MACROD2: variants seen among roughly 807,000 people sequenced by gnomAD.
MACROD2 encodes mono-ADP ribosylhydrolase 2, also known as ADP-ribose glycohydrolase MACROD2.
Under a neutral mutation model 70.4 loss-of-function variants are expected in MACROD2, and 36 were observed. The ratio of observed to expected loss-of-function variants is 0.51; its 90% CI spans 0.39 to 0.68. The LOEUF (loss-of-function observed/expected upper bound fraction) is 0.68, where lower values mean the gene tolerates loss of function less well. Among genes scored for constraint, MACROD2 ranks in the 30% least tolerant of loss-of-function variants. The pLI, the probability that MACROD2 is intolerant of heterozygous loss-of-function variation, is 0.00. For missense variants in MACROD2, 496 were observed against 538.4 expected (o/e 0.92, Z 0.78); for synonymous variants, 172 against 178.8 (o/e 0.96, Z 0.30).
At chr20:15,460,780 A>T (rs990083386) in intron 7 of MACROD2, among the ~76,000 whole-genome samples, 8 of 151,862 alleles carry the variant, frequency 5.3e-5, no homozygotes, top group Admixed American at 5.3e-4. Context: ...TACCAATTCT[A>T]TCAAATTCCC....
At chr20:14,316,092 A>G (rs967760102) in intron 3 of MACROD2, among the ~76,000 whole-genome samples, 30 of 152,240 alleles carry the variant, frequency 2.0e-4, no homozygotes, top group African/African-American at 7.0e-4. Context: ...TGAAACTTCC[A>G]TTCTCTTGTA....
At chr20:15,138,653 C>T (rs1601126444) in intron 5 of MACROD2, among the ~76,000 whole-genome samples, 1 of 152,144 alleles carries the variant, frequency 6.6e-6, no homozygotes, top group African/African-American at 2.4e-5. Context: ...ACTGGGGGTG[C>T]TCTGCCAGCT....
At chr20:14,847,485 GTTTTTT>G (rs34778387) in intron 5 of MACROD2, among the ~76,000 whole-genome samples, 1 of 121,444 alleles carries the variant, frequency 8.2e-6, no homozygotes, top group Non-Finnish European at 1.7e-5. Flanking sequence ...AGTGTTGCCT[GTTTTTT>G]TTTTTTTTTT....
At chr20:14,172,392 C>T (rs970246427) in intron 3 of MACROD2, among the ~76,000 whole-genome samples, 3 of 150,010 alleles carry the variant, frequency 2.0e-5, no homozygotes, top group Non-Finnish European at 4.4e-5. Flanking sequence ...GCAACTTCCA[C>T]CTCCTGGGTT....
intron 5 of MACROD2, among the ~76,000 whole-genome samples, chr20:14,947,009 GT>G (rs1432711168): frequency 1.3e-5 from 2 of 152,132 alleles, no homozygotes; most frequent in African/African-American, 4.8e-5. Flanking sequence ...CTCCAAACCT[GT>G]TTAAGTTTGA....
At chr20:14,842,226 T>C (rs947211779) in intron 5 of MACROD2, among the ~76,000 whole-genome samples, 4 of 152,002 alleles carry the variant, frequency 2.6e-5, no homozygotes, top group African/African-American at 9.7e-5. Context: ...ATAAACCCAC[T>C]CTCATGATAA....
intron 15 of MACROD2, among the ~76,000 whole-genome samples, chr20:16,013,633 G>T (rs926822109): frequency 6.6e-6 from 1 of 152,104 alleles, no homozygotes; most frequent in Non-Finnish European, 1.5e-5. Context: ...ACTCTCCATG[G>T]CCACGTTCTT....
intron 6 of MACROD2, among the ~76,000 whole-genome samples, chr20:15,234,012 C>CTTTTTTTTTTTTTTTTT (rs1177498607): frequency 2.4e-4 from 7 of 29,182 alleles, no homozygotes; most frequent in Non-Finnish European, 4.0e-4. Context: ...TATATATATT[C>CTTTTTTTTTTTTTTTTT]TTTTTTTTTT....
Position 15,591,191 on chromosome 20 carries a change from G to C in MACROD2, c.645+91344G>C, listed in dbSNP as rs6135454. The stretch of plus-strand genomic sequence containing the variant: ...ATTCTATCCCTGGGCCTCAGACAGA[G>C]AGAATGTGATCACTAGCTTGGGAAA... On this transcript the variant is annotated intron_variant, in intron 8 of 17. Transcript: ENST00000684519. 8.7e-3 allele frequency among the ~76,000 whole-genome samples: 1,328 copies of C among 152,282 alleles called. 9 individuals carry two copies. Among genetic ancestry groups the C allele is most frequent in the East Asian group, 0.06 (309 of 5,174 alleles).
chr20:15,351,575 G>C (rs2078227202), intron 6 of MACROD2, among the ~76,000 whole-genome samples: 1 of 152,150 alleles, frequency 6.6e-6, no homozygotes, highest in Non-Finnish European at 1.5e-5. Context: ...AATGGGTTGA[G>C]TTTGATCAGT....
At chr20:14,219,227 A>G (rs1172437727) in intron 3 of MACROD2, among the ~76,000 whole-genome samples, 2 of 152,018 alleles carry the variant, frequency 1.3e-5, no homozygotes, top group African/African-American at 4.8e-5. Context: ...CTTTGTTCAT[A>G]TTTTATTATT....
intron 5 of MACROD2, among the ~76,000 whole-genome samples, chr20:14,896,304 A>G (rs2073828630): frequency 6.6e-6 from 1 of 152,178 alleles, no homozygotes; most frequent in Non-Finnish European, 1.5e-5. Context: ...CAAAAAAATA[A>G]ATAAATAAAA....
At chr20:15,459,592 C>G (rs1038854295) in intron 7 of MACROD2, among the ~76,000 whole-genome samples, 1 of 151,956 alleles carries the variant, frequency 6.6e-6, no homozygotes, top group South Asian at 2.1e-4. Context: ...ATTACGGCTG[C>G]CTGCTAAGTT....
chr20:15,924,501 CT>C (rs979721259), intron 10 of MACROD2, among the ~76,000 whole-genome samples: 2 of 152,152 alleles, frequency 1.3e-5, no homozygotes, highest in East Asian at 1.9e-4. Context: ...GAGGAAACAA[CT>C]TTTTTTTATT....
chr20:14,201,250 G>C (rs964414965), intron 3 of MACROD2, among the ~76,000 whole-genome samples: 1 of 152,134 alleles, frequency 6.6e-6, no homozygotes, highest in African/African-American at 2.4e-5. Flanking sequence ...TCAATGAATT[G>C]ATTAAAACTT....
intron 5 of MACROD2, chr20:14,894,492 G>A (rs1050251552): frequency 2.0e-5 from 3 of 151,866 alleles, no homozygotes. Context: ...CAAAGTGCTG[G>A]GATTACAGGC....
chr20:15,769,041 CAATT>C (rs2051576934), intron 8 of MACROD2, among the ~76,000 whole-genome samples: 1 of 152,208 alleles, frequency 6.6e-6, no homozygotes, highest in Non-Finnish European at 1.5e-5. Context: ...GGCTGTTTTA[CAATT>C]AACCTTTTTA....
chr20:14,827,102 G>C (rs146116713), intron 5 of MACROD2, among the ~76,000 whole-genome samples: 1 of 152,216 alleles, frequency 6.6e-6, no homozygotes, highest in East Asian at 1.9e-4. Flanking sequence ...TATGAAGAAT[G>C]CTACATTAGC....
chr20:15,417,173 C>A (rs145168095), intron 6 of MACROD2, among the ~76,000 whole-genome samples: 23 of 152,212 alleles, frequency 1.5e-4, no homozygotes, highest in African/African-American at 5.5e-4. Flanking sequence ...CTTAGCTCAT[C>A]CCAGGGAAGA....
Sources: allele counts gnomAD v4.1 joint callset (sites outside exome capture counted in the v4.1 genomes callset), GRCh38; gene constraint gnomAD v4.1.1; transcripts MANE v1.5; gene names NCBI Gene and HGNC (gene_info 2026-07-23, HGNC 2026-07-21).